The following AHCTF1 variants were observed in gnomAD, a reference collection of about 807,000 sequenced individuals.
AHCTF1 encodes the protein AT-hook containing transcription factor 1.
Under a neutral mutation model 248.4 loss-of-function variants are expected in AHCTF1, and 24 were observed. The ratio of observed to expected loss-of-function variants is 0.10; its 90% confidence interval spans 0.07 to 0.14. The LOEUF (loss-of-function observed/expected upper bound fraction) is 0.14, where lower values mean the gene tolerates loss of function less well. AHCTF1 is among the 10% of genes least tolerant of loss of function. AHCTF1 has a pLI of 1.00. For synonymous variants in AHCTF1, 786 were observed against 929.8 expected (o/e 0.85, Z 2.81); for missense variants, 2,206 against 2,636.2 (o/e 0.84, Z 3.57).
intron 3 of AHCTF1, 133 bp downstream of exon 3, chr1:246,916,009 A>T (rs1666117819): frequency 9.4e-7 from 1 of 1,065,740 alleles, no homozygotes; most frequent in African/African-American, 1.6e-5. Context: ...ACCTAAGAGT[A>T]ACACATTTAC....
intron 26 of AHCTF1, 42 bp from the exon 27 acceptor site, chr1:246,864,158 CAA>C: frequency 6.3e-7 from 1 of 1,577,256 alleles, no homozygotes; most frequent in Non-Finnish European, 8.6e-7. Flanking sequence ...ACTGAAAAAA[CAA>C]AAGAATTTAG....
intron 12 of AHCTF1, among the ~76,000 whole-genome samples, chr1:246,897,654 G>C (rs1277835444): frequency 6.6e-6 from 1 of 152,136 alleles, no homozygotes; most frequent in Non-Finnish European, 1.5e-5. Context: ...TGAAGTATAC[G>C]TGTATTTAAA....
At chr1:246,884,177 T>C (rs904137509) in intron 21 of AHCTF1, among the ~76,000 whole-genome samples, 10 of 152,216 alleles carry the variant, frequency 6.6e-5, no homozygotes, top group African/African-American at 1.2e-4. Context: ...GTAAATCTTA[T>C]TGAAACTACA....
rs71680437 is a variant in AHCTF1 at position 246,843,740 on chromosome 1, TAAA to T, written c.6525+52_6525+54del. Reference sequence around the variant, plus strand: ...TAAAATAATTTTATTAAAACATTTGTAAAAAAAAAAAGTATGTTTTAACAAACA... The same window carrying T: ...TAAAATAATTTTATTAAAACATTTGTAAAAAAAAGTATGTTTTAACAAACA... On this transcript the variant is annotated intron_variant, in intron 34 of 35. Transcript: ENST00000648844. The T allele has an allele frequency of 1.4e-4, 137 of 993,496 alleles. 1 individual carries two copies. Among genetic ancestry groups the T allele is most frequent in the Middle Eastern group, 4.0e-4 (1 of 2,520 alleles). The allele number at this position is 993,496 out of a possible 1,614,324, so 61.5% of individuals were successfully genotyped here. A position where few individuals can be genotyped will look rare whatever the true frequency, so the allele number is the denominator to read the frequency against.
intron 1 of AHCTF1, among the ~76,000 whole-genome samples, chr1:246,930,439 T>C (rs1667264459): frequency 6.6e-6 from 1 of 152,136 alleles, no homozygotes; most frequent in African/African-American, 2.4e-5. Context: ...AGACTTCCCA[T>C]AGCGCTTGGC....
chr1:246,863,996 T>A lies in AHCTF1; in HGVS notation c.3468A>T (p.Gln1156His), dbSNP rs1274498623. The change falls in exon 27 of 36, where the codon CAA becomes CAT. Residue 1156 changes from glutamine (Q) to histidine (H), a missense_variant. Transcript: ENST00000648844. Reference sequence around the variant, plus strand: ...AGATGGCCTGAGGCGATCCTTTTAATTGCGAACTTGAGGGCAGTGAACGGG... The same window carrying A: ...AGATGGCCTGAGGCGATCCTTTTAAATGCGAACTTGAGGGCAGTGAACGGG... ...LVSRSLPSSS[Q>H]LKGSPQAISR... 9.9e-6 allele frequency: 16 copies of A among 1,614,036 alleles called. No homozygotes were observed. Among genetic ancestry groups the A allele is most frequent in the African/African-American group, 2.7e-5 (2 of 74,908 alleles).
intron 21 of AHCTF1, among the ~76,000 whole-genome samples, chr1:246,883,866 A>C (rs1401847179): frequency 1.3e-5 from 2 of 152,188 alleles, no homozygotes; most frequent in Non-Finnish European, 2.9e-5. Flanking sequence ...ACTATATGGC[A>C]AAGGTAAAGG....
At chr1:246,873,397 C>T (rs530662204) in intron 24 of AHCTF1, among the ~76,000 whole-genome samples, 4 of 151,088 alleles carry the variant, frequency 2.6e-5, no homozygotes, top group South Asian at 2.1e-4. Context: ...GGAAAGAATC[C>T]GTCCCAATAC....
At chr1:246,905,706 G>C in intron 5 of AHCTF1, 49 bp from the exon 6 acceptor site, 1 of 1,450,332 alleles carries the variant, frequency 6.9e-7, no homozygotes, top group Admixed American at 1.8e-5. Flanking sequence ...TTTTAGAAAG[G>C]AAAAAGGTAC....
At chr1:246,896,087 G>A (rs572936477) in intron 12 of AHCTF1, among the ~76,000 whole-genome samples, 162 bp from the exon 13 acceptor site, 1 of 152,342 alleles carries the variant, frequency 6.6e-6, no homozygotes, top group African/African-American at 2.4e-5. Flanking sequence ...GTAAGGACGT[G>A]TTAAAACTGG....
At chr1:246,909,434 GCT>G (rs56791006) in intron 4 of AHCTF1, among the ~76,000 whole-genome samples, 3,547 of 147,238 alleles carry the variant, frequency 0.024, 160 homozygotes, top group African/African-American at 0.086. Flanking sequence ...TTTGCATGCT[GCT>G]CTGAGTGGTA....
At position 246,907,643 on chromosome 1, in the gene AHCTF1, T is replaced by C; in HGVS notation, c.672A>G (p.Ser224=). 6.2e-7 allele frequency: 1 copy of C among 1,613,888 alleles called. No individual in the cohort carries two copies. The highest frequency in any genetic ancestry group is 8.5e-7 in the Non-Finnish European group (1 of 1,179,854). The change falls in exon 5 of 36, where the codon TCA becomes TCG. Residue 224 remains serine, a synonymous_variant. Transcript: ENST00000648844. The part of the protein sequence containing the change: ...QLVSPTGTAV[S]TLSYISRTNQ... Reference sequence around the variant, plus strand: ...TTGTCCTGCTTATGTAACTAAGAGTTGAAACAGCTGTTCCTGTTGGACTTA... The same window carrying C: ...TTGTCCTGCTTATGTAACTAAGAGTCGAAACAGCTGTTCCTGTTGGACTTA...
intron 24 of AHCTF1, among the ~76,000 whole-genome samples, chr1:246,873,270 T>C (rs551551076): frequency 6.6e-6 from 1 of 152,324 alleles, no homozygotes; most frequent in African/African-American, 2.4e-5. Flanking sequence ...CGGTGATAAA[T>C]CACCATATAA....
chr1:246,868,846 G>GT lies in AHCTF1; in HGVS notation c.3089-1036dup, dbSNP rs563383895. Among the ~76,000 whole-genome samples, 437 of 128,802 alleles carry GT rather than the reference G, an allele frequency of 3.4e-3. 2 individuals are homozygous for GT. Among genetic ancestry groups the GT allele is most frequent in the South Asian group, 6.2e-3 (26 of 4,186 alleles). The allele number at this position is 128,802 out of a possible 152,430, so 84.5% of individuals were successfully genotyped here. On this transcript the variant is annotated intron_variant, in intron 24 of 35. Transcript: ENST00000648844. ...TTGCTTCATTGTGTGTGTGTTTTTT[G>GT]TTTTTTTTTTTTTTTTGAGATGGAG... is the stretch of plus-strand genomic sequence containing the variant.
intron 21 of AHCTF1, 49 bp from the exon 22 acceptor site, chr1:246,877,351 T>A: frequency 6.7e-7 from 1 of 1,497,800 alleles, no homozygotes; most frequent in Non-Finnish European, 8.9e-7. Context: ...GCTATTTAAA[T>A]GTACAAAACA....
In AHCTF1 at chr1:246,911,880, T is replaced by A. The variant is rs543347732; in HGVS notation, c.556+1352A>T. Among the ~76,000 whole-genome samples, 15 of 152,298 alleles carry A rather than the reference T, an allele frequency of 9.8e-5. No individual in the cohort carries two copies. The South Asian group carries it at 2.1e-3, about 21-fold the overall frequency. ...TTTGCATATTTAAGTTTTGTTCAGA[T>A]GATTTTGGCTCTTCCATTTCTTGTT... On this transcript the variant is annotated intron_variant, in intron 4 of 35. Coordinates refer to ENST00000648844, the MANE Select transcript of AHCTF1 (RefSeq NM_001323342.2).
Position 246,900,357 on chromosome 1 carries a change from T to C in AHCTF1, c.1230A>G (p.Ala410=), listed in dbSNP as rs1473043363. ...CATACCTTAACGAATCTGGCATTTGTGCATGATACCAACGATTTATATCAA... is the reference window on the plus strand; with the variant it reads ...CATACCTTAACGAATCTGGCATTTGCGCATGATACCAACGATTTATATCAA... ...GLFDINRWYH[A]QMPDSLRSGE... Residue 410 remains alanine, a synonymous_variant, in exon 9 of 36, where the codon GCA becomes GCG. Coordinates refer to ENST00000648844, the MANE Select transcript of AHCTF1 (RefSeq NM_001323342.2). The C allele has an allele frequency of 1.3e-6, 2 of 1,591,614 alleles. No homozygotes were observed. Among genetic ancestry groups the C allele is most frequent in the South Asian group, 1.2e-5 (1 of 85,520 alleles).
At chr1:246,910,564 G>C (rs1269557675) in intron 4 of AHCTF1, among the ~76,000 whole-genome samples, 1 of 152,148 alleles carries the variant, frequency 6.6e-6, no homozygotes. Flanking sequence ...ACTTGAATTT[G>C]GGTGATGGGT....
intron 14 of AHCTF1, among the ~76,000 whole-genome samples, chr1:246,893,592 A>G (rs1176000032): frequency 3.3e-5 from 5 of 152,204 alleles, no homozygotes; most frequent in Non-Finnish European, 5.9e-5. Flanking sequence ...CTCAATCGAA[A>G]TGAACAACAG....
Sources: gnomAD v4.1 joint callset for allele counts (sites outside exome capture counted in the v4.1 genomes callset) on GRCh38, gnomAD v4.1.1 for gene constraint, MANE v1.5 for transcripts, NCBI Gene and HGNC (gene_info 2026-07-23, HGNC 2026-07-21) for gene names.